Variants in PAK4 observed in about 807,000 individuals in gnomAD.
The protein encoded by PAK4 is p21 (RAC1) activated kinase 4.
PAK4 carries 49 observed loss-of-function variants against 53.5 expected under a neutral mutation model. The observed-to-expected ratio is 0.92, with a 90% CI of 0.73 to 1.16. The LOEUF is 1.16. Ranked by LOEUF, PAK4 falls within the 50% of genes most tolerant of loss-of-function variation. The pLI, the probability that PAK4 is intolerant of heterozygous loss-of-function variation, is 0.00. For synonymous variants in PAK4, 376 were observed against 375.6 expected (o/e 1.00, Z -0.01); for missense variants, 824 against 850.7 (o/e 0.97, Z 0.39).
At chr19:39,133,215 A>G (rs2073746665) in intron 1 of PAK4, among the ~76,000 whole-genome samples, 1 of 152,236 alleles carries the variant, frequency 6.6e-6, no homozygotes. Flanking sequence ...TGCTAATGAT[A>G]TCTACTCTTA....
chr19:39,163,001 G>T (rs2074309486), intron 1 of PAK4, among the ~76,000 whole-genome samples: 1 of 152,156 alleles, frequency 6.6e-6, no homozygotes, highest in African/African-American at 2.4e-5. Flanking sequence ...GGGGGCAAGA[G>T]CTAAGCCAAG....
intron 1 of PAK4, among the ~76,000 whole-genome samples, chr19:39,158,342 C>A (rs1003416865): frequency 6.6e-6 from 1 of 152,136 alleles, no homozygotes; most frequent in African/African-American, 2.4e-5. Context: ...TATGTCCTGG[C>A]GTCTGTGCAC....
Position 39,173,592 on chromosome 19 carries a change from TGG to T in PAK4, c.681_682del (p.Ala228ProfsTer2). 1 of 1,524,950 alleles carries T rather than the reference TGG, an allele frequency of 6.6e-7. No homozygotes were observed. The highest frequency in any genetic ancestry group is 1.3e-5 in the South Asian group (1 of 76,348). The allele number at this position is 1,524,950 out of a possible 1,614,324, so 94.5% of individuals were successfully genotyped here. ...CTGTTTCAGGGGGAGCCTCATGACG[TGG>T]CCCCTAACGGGCCATCAGCGGGGGG... On this transcript the variant is annotated frameshift_variant, in exon 4 of 9. Coordinates refer to ENST00000358301, the Ensembl canonical transcript of PAK4. LOFTEE classifies it high-confidence loss of function. This position sits in a 1 kb window ranked among gnomAD's most constrained non-coding sequence, Gnocchi z 6.9.
chr19:39,126,949 C>G (rs376428201), intron 1 of PAK4, among the ~76,000 whole-genome samples: 4 of 152,122 alleles, frequency 2.6e-5, no homozygotes, highest in Non-Finnish European at 4.4e-5. Flanking sequence ...TGCCCCTGGT[C>G]GCCACATTGT....
chr19:39,167,457 C>A (rs1246478008), intron 1 of PAK4, among the ~76,000 whole-genome samples: 1 of 152,036 alleles, frequency 6.6e-6, no homozygotes, highest in Non-Finnish European at 1.5e-5. Context: ...CAGGGGTGGG[C>A]TGGGCTGGAA....
chr19:39,176,994 G>A (rs1242142440), intron 7 of PAK4, among the ~76,000 whole-genome samples: 2 of 151,856 alleles, frequency 1.3e-5, no homozygotes, highest in South Asian at 2.1e-4. Flanking sequence ...TCAGCCTCCC[G>A]AGAAGCTGGT....
intron 1 of PAK4, among the ~76,000 whole-genome samples, chr19:39,156,063 C>T (rs1227546318): frequency 6.6e-6 from 1 of 152,202 alleles, no homozygotes; most frequent in Admixed American, 6.5e-5. Flanking sequence ...TCTCACACCT[C>T]AGGATGGCGA....
intron 4 of PAK4, 61 bp from the exon 6 acceptor site, chr19:39,174,870 G>T: frequency 1.2e-6 from 2 of 1,602,242 alleles, no homozygotes; most frequent in East Asian, 4.5e-5. Flanking sequence ...GGTGGCGGTG[G>T]CTGGGTCTGG....
rs374998271 is a variant in PAK4, at chr19:39,148,054, C to T, written c.-22-21478C>T. Among the ~76,000 whole-genome samples, 163 of 150,208 alleles carry T rather than the reference C, an allele frequency of 1.1e-3. 2 individuals carry two copies. The highest frequency in any genetic ancestry group is 3.4e-3 in the African/African-American group (137 of 40,690). ...GTGGCCTCCGCCTCCCGGGTTCGAG[C>T]GATTTTTCTGCCTCAGCCTCCCGAG... On this transcript the variant is annotated intron_variant, in intron 1 of 8. Coordinates refer to ENST00000358301, the Ensembl canonical transcript of PAK4.
chr19:39,173,796 A>C lies in PAK4; in HGVS notation c.884A>C (p.Glu295Ala), dbSNP rs769098772. The change falls in exon 4 of 9, where the codon GAG becomes GCG. Residue 295 changes from glutamate to alanine, a missense_variant. Glu to Ala is a moderately radical substitution (Grantham distance 107, BLOSUM62 -1). Coordinates refer to ENST00000358301, the Ensembl canonical transcript of PAK4. This position sits in a 1 kb window ranked among gnomAD's most constrained non-coding sequence, Gnocchi z 6.9. ...CCTGGCCCCCGCTCACCACAGCGGG[A>C]GCCACAGCGAGTATCCCATGAGCAG... 1 of 1,608,928 alleles carries C rather than the reference A, an allele frequency of 6.2e-7. No homozygotes were observed. Among genetic ancestry groups the C allele is most frequent in the East Asian group, 2.2e-5 (1 of 44,680 alleles).
chr19:39,156,155 G>T (rs983165182), intron 1 of PAK4, among the ~76,000 whole-genome samples: 2 of 152,186 alleles, frequency 1.3e-5, no homozygotes, highest in Non-Finnish European at 2.9e-5. Context: ...CATGGGTGAG[G>T]GGGGCAGAGT....
At chr19:39,140,723 G>A (rs55748546) in intron 1 of PAK4, among the ~76,000 whole-genome samples, 35,980 of 152,052 alleles carry the variant, frequency 0.24, 4,556 homozygotes, top group East Asian at 0.39. Context: ...CCTCTCCAGC[G>A]AAGGGCTCAG....
At chr19:39,158,249 G>A (rs968977540) in intron 1 of PAK4, among the ~76,000 whole-genome samples, 12 of 152,304 alleles carry the variant, frequency 7.9e-5, no homozygotes, top group Admixed American at 2.0e-4. Flanking sequence ...GCGCGCATGT[G>A]TGAGCATGCA....
At chr19:39,157,344 C>T (rs902564671) in intron 1 of PAK4, among the ~76,000 whole-genome samples, 6 of 152,102 alleles carry the variant, frequency 3.9e-5, no homozygotes, top group East Asian at 1.9e-4. Flanking sequence ...TGTATACACA[C>T]GTGTCCCTGT....
At chr19:39,160,130 C>A (rs2074260402) in intron 1 of PAK4, among the ~76,000 whole-genome samples, 1 of 152,184 alleles carries the variant, frequency 6.6e-6, no homozygotes, top group African/African-American at 2.4e-5. Flanking sequence ...TGCTGAACAG[C>A]CAGATTCAGT....
chr19:39,163,082 A>T (rs1333636411), intron 1 of PAK4, among the ~76,000 whole-genome samples: 1 of 152,044 alleles, frequency 6.6e-6, no homozygotes, highest in Non-Finnish European at 1.5e-5. Flanking sequence ...GGGAAGCCAA[A>T]CTCCCAGCGC....
At chr19:39,180,676 C>G (rs566399934), downstream of PAK4, 2 of 152,128 alleles carry the variant, frequency 1.3e-5, no homozygotes, top group Non-Finnish European at 2.9e-5. Context: ...GAACTCCTGA[C>G]CTCGTGATCC....
At chr19:39,172,875 C>T (rs1382895950) in intron 2 of PAK4, 43 bp from the exon 4 acceptor site, 1 of 1,466,786 alleles carries the variant, frequency 6.8e-7, no homozygotes, top group Non-Finnish European at 9.2e-7. Context: ...CTGTGTGCCC[C>T]ACTCCTTGCT....
chr19:39,173,312 C>T lies in PAK4; in HGVS notation c.599C>T (p.Ala200Val), dbSNP rs1355568157. The change falls in exon 3 of 9, where the codon GCA becomes GTA. Residue 200 changes from alanine to valine, a missense_variant. Physicochemically the swap from Ala to Val is moderately conservative, Grantham distance 64. This residue lies in a region of PAK4 where 478 missense variants were observed against 435.8 expected (regional missense o/e 1.10). Transcript: ENST00000358301. The surrounding 1 kb of genome is among the most constrained non-coding windows in gnomAD (Gnocchi z 6.9). ...GGTCTGGCCAGTGGGGCGAAACTGG[C>T]AGCTGGCCGGCCCTTTAACACCTAC... is the stretch of plus-strand genomic sequence containing the variant. 1.9e-6 allele frequency: 3 copies of T among 1,598,818 alleles called. No homozygotes were observed. The highest frequency in any genetic ancestry group is 1.3e-5 in the African/African-American group (1 of 74,448).
Sources: allele counts gnomAD v4.1 joint callset (sites outside exome capture counted in the v4.1 genomes callset), GRCh38; gene constraint gnomAD v4.1.1; regional missense constraint gnomAD v4.1.1; non-coding constraint Gnocchi (gnomAD v3.1); transcripts MANE v1.5; gene names NCBI Gene and HGNC (gene_info 2026-07-23, HGNC 2026-07-21).